The following MACROD2 variants were observed in gnomAD, a reference collection of about 807,000 sequenced individuals.
The protein encoded by MACROD2 is ADP-ribose glycohydrolase MACROD2.
MACROD2 carries 36 observed loss-of-function variants against 70.4 expected under a neutral mutation model. The ratio of observed to expected loss-of-function variants is 0.51; its 90% CI spans 0.39 to 0.68. The LOEUF (loss-of-function observed/expected upper bound fraction) is 0.68. MACROD2 is among the 30% of genes least tolerant of loss of function. The pLI is 0.00. For missense variants in MACROD2, 496 were observed against 538.4 expected, an observed-to-expected ratio of 0.92 and a Z score of 0.78; for synonymous variants, 172 against 178.8, an observed-to-expected ratio of 0.96 and a Z score of 0.30.
In MACROD2 at chr20:14,596,217, C is replaced by G. The variant is rs990327057; in HGVS notation, c.302-88626C>G. ...TCTCCTGCCTCAGCCTCCCGAGTAG[C>G]TGGGACTACATACAGGCGCCCGCCA... On this transcript the variant is annotated intron_variant, in intron 4 of 17. Transcript: ENST00000684519. Among the ~76,000 whole-genome samples, 109 of 147,072 alleles carry G rather than the reference C, an allele frequency of 7.4e-4. 1 individual carries two copies. The highest frequency in any genetic ancestry group is 1.3e-3 in the Non-Finnish European group (87 of 67,610).
At chr20:15,066,010 G>T (rs2075571408) in intron 5 of MACROD2, among the ~76,000 whole-genome samples, 1 of 152,140 alleles carries the variant, frequency 6.6e-6, no homozygotes, top group African/African-American at 2.4e-5. Context: ...ACATTCTGGG[G>T]CCCAGCTTGG....
chr20:15,581,651 C>T lies in MACROD2; in HGVS notation c.645+81804C>T, dbSNP rs544913298. ...ACTTAAATGTAGATTTTCAGAGGAGCGTCCCTGAGGAGCTGAAACTCTGGC... is the reference window on the plus strand; with the variant it reads ...ACTTAAATGTAGATTTTCAGAGGAGTGTCCCTGAGGAGCTGAAACTCTGGC... On this transcript the variant is annotated intron_variant, in intron 8 of 17. Coordinates refer to ENST00000684519, the MANE Select transcript of MACROD2 (RefSeq NM_001351661.2). 1.5e-4 allele frequency among the ~76,000 whole-genome samples: 23 copies of T among 152,180 alleles called. No homozygotes were observed. In the South Asian group the frequency reaches 3.3e-3, roughly 22 times the overall value.
chr20:14,991,201 A>C (rs2074900669), intron 5 of MACROD2, among the ~76,000 whole-genome samples: 1 of 152,034 alleles, frequency 6.6e-6, no homozygotes, highest in African/African-American at 2.4e-5. Flanking sequence ...GCAAACACCA[A>C]GTGAAAAAAA....
rs11906342 is a variant in MACROD2, at chr20:15,307,455, T to C, written c.540+77394T>C. On this transcript the variant is annotated intron_variant, in intron 6 of 17. Transcript: ENST00000684519. ...ACAGAATCCTCAAGTGTTTACATTG[T>C]TCCATGTTTGTTATGTTGTTCTGTC... 3.1e-3 allele frequency among the ~76,000 whole-genome samples: 471 copies of C among 152,330 alleles called. 4 individuals are homozygous for C. Among genetic ancestry groups the C allele is most frequent in the African/African-American group, 0.011 (452 of 41,574 alleles).
At chr20:14,050,265 G>C (rs1457150477) in intron 2 of MACROD2, among the ~76,000 whole-genome samples, 1 of 152,100 alleles carries the variant, frequency 6.6e-6, no homozygotes, top group Non-Finnish European at 1.5e-5. Flanking sequence ...GAAAGAGCCT[G>C]AGAACTCTAT....
intron 5 of MACROD2, among the ~76,000 whole-genome samples, chr20:15,015,639 G>C (rs905546763): frequency 6.6e-6 from 1 of 152,100 alleles, no homozygotes; most frequent in African/African-American, 2.4e-5. Flanking sequence ...GGCAACATGG[G>C]TTAAGATTAA....
chr20:15,923,401 G>A (rs10470063), intron 10 of MACROD2, among the ~76,000 whole-genome samples: 2,641 of 152,116 alleles, frequency 0.017, 50 homozygotes, highest in African/African-American at 0.044. Flanking sequence ...AGAAAGACCG[G>A]CCCCCATGAT....
intron 4 of MACROD2, among the ~76,000 whole-genome samples, chr20:14,633,539 G>T (rs1360188273): frequency 6.6e-6 from 1 of 152,056 alleles, no homozygotes; most frequent in Non-Finnish European, 1.5e-5. Flanking sequence ...ACCTGGATGG[G>T]CTGCCTTCGC....
chr20:14,740,934 T>C (rs2071725375), intron 5 of MACROD2, among the ~76,000 whole-genome samples: 1 of 152,158 alleles, frequency 6.6e-6, no homozygotes, highest in Non-Finnish European at 1.5e-5. Context: ...TTCAGTTCCT[T>C]TGTGTGTGCT....
intron 5 of MACROD2, among the ~76,000 whole-genome samples, chr20:14,784,643 G>T (rs2072342000): frequency 1.6e-5 from 2 of 122,034 alleles, no homozygotes; most frequent in Middle Eastern, 4.3e-3. Flanking sequence ...ATCCAAATTA[G>T]GTCAGAAAAG....
At position 14,342,641 on chromosome 20, in the gene MACROD2, A is replaced by AT. The variant is rs538202796; in HGVS notation, c.272-150834dup. Among the ~76,000 whole-genome samples the AT allele has an allele frequency of 1.9e-3, 290 of 152,320 alleles. 1 individual carries two copies. In the Middle Eastern group the frequency reaches 0.024, roughly 13 times the overall value. ...CAAAGGGTATTGGAGAAATAATTAG[A>AT]TTTTAGCAGGTCACGGATGCCTTAG... On this transcript the variant is annotated intron_variant, in intron 3 of 17. Transcript: ENST00000684519.
intron 5 of MACROD2, among the ~76,000 whole-genome samples, chr20:14,886,589 A>T (rs1193273316): frequency 6.6e-6 from 1 of 152,054 alleles, no homozygotes; most frequent in Non-Finnish European, 1.5e-5. Context: ...TCTATCCCTT[A>T]CTAGTATCTC....
chr20:15,068,022 C>T (rs1049207515), intron 5 of MACROD2, among the ~76,000 whole-genome samples: 13 of 152,216 alleles, frequency 8.5e-5, no homozygotes, highest in East Asian at 3.9e-4. Flanking sequence ...AGGTTAATTT[C>T]GTTCCTCTTT....
intron 5 of MACROD2, among the ~76,000 whole-genome samples, chr20:15,193,554 C>T (rs1407370001): frequency 4.0e-5 from 6 of 151,868 alleles, no homozygotes; most frequent in East Asian, 3.9e-4. Flanking sequence ...AGGCTGAGGT[C>T]GGAGGAACTC....
At chr20:15,234,989 T>TA (rs1176273340) in intron 6 of MACROD2, among the ~76,000 whole-genome samples, 5 of 152,320 alleles carry the variant, frequency 3.3e-5, no homozygotes, top group East Asian at 1.9e-4. Flanking sequence ...TGTTCATTTT[T>TA]AAAAAACTAA....
At chr20:16,007,163 G>C (rs778127607) in intron 15 of MACROD2, among the ~76,000 whole-genome samples, 14 of 152,178 alleles carry the variant, frequency 9.2e-5, no homozygotes, top group Non-Finnish European at 2.1e-4. Context: ...CTTACAAAAA[G>C]ATATAAGCAG....
chr20:14,706,351 T>A (rs1259749444), intron 5 of MACROD2, among the ~76,000 whole-genome samples: 1 of 151,346 alleles, frequency 6.6e-6, no homozygotes, highest in Admixed American at 6.6e-5. Flanking sequence ...TTCAAGTGAG[T>A]GAAACTGAGA....
At chr20:15,510,792 G>C (rs572997899) in intron 8 of MACROD2, among the ~76,000 whole-genome samples, 1 of 152,340 alleles carries the variant, frequency 6.6e-6, no homozygotes, top group Non-Finnish European at 1.5e-5. Flanking sequence ...AGGCTGTAAC[G>C]GTGAGCCCAG....
At chr20:14,004,611 G>A (rs1416848936) in intron 2 of MACROD2, among the ~76,000 whole-genome samples, 4 of 151,940 alleles carry the variant, frequency 2.6e-5, no homozygotes, top group African/African-American at 9.7e-5. Context: ...TCAGTGCTCA[G>A]TTATTAAAAA....
Sources: allele counts gnomAD v4.1 joint callset (sites outside exome capture counted in the v4.1 genomes callset), GRCh38; gene constraint gnomAD v4.1.1; transcripts MANE v1.5; gene names NCBI Gene and HGNC (gene_info 2026-07-23, HGNC 2026-07-21).